The following ANGEL2 variants were observed in gnomAD, a reference collection of about 807,000 sequenced individuals.
ANGEL2 encodes angel homolog 2, also known as RNA 2',3'-cyclic phosphatase ANGEL2.
ANGEL2 carries 41 observed loss-of-function variants against 66.0 expected under a neutral mutation model. That is an observed-to-expected ratio of 0.62 (90% CI 0.48 to 0.81). The LOEUF is 0.81. Among genes scored for constraint, ANGEL2 ranks in the 30% least tolerant of loss-of-function variants. The probability of loss-of-function intolerance (pLI) is 0.00; values close to 1 mark genes in which losing one functional copy is unlikely to be tolerated. For synonymous variants in ANGEL2, 208 were observed against 226.5 expected, an observed-to-expected ratio of 0.92 and a Z score of 0.73; for missense variants, 561 against 641.6, an observed-to-expected ratio of 0.87 and a Z score of 1.36.
At chr1:213,015,527 C>A in intron 1 of ANGEL2, 86 bp downstream of exon 1, 2 of 1,453,284 alleles carry the variant, frequency 1.4e-6, no homozygotes, top group East Asian at 2.7e-5. Context: ...CCGCCCCGCC[C>A]CGCCCCGGGT....
intron 8 of ANGEL2, among the ~76,000 whole-genome samples, chr1:212,996,638 A>ATATAT (rs56112652): frequency 0.015 from 795 of 52,364 alleles, no homozygotes; most frequent in Middle Eastern, 0.037. Context: ...AAAAAAAAAA[A>ATATAT]AAATATATAT....
chr1:213,007,037 T>C (rs112003433), intron 4 of ANGEL2, 92 bp downstream of exon 4: 2 of 1,220,184 alleles, frequency 1.6e-6, no homozygotes, highest in Non-Finnish European at 2.4e-6. Context: ...GAGGCTGTAG[T>C]GAGCCATGAT....
intron 7 of ANGEL2, among the ~76,000 whole-genome samples, chr1:212,998,502 A>G (rs2076086832): frequency 1.3e-5 from 2 of 151,908 alleles, no homozygotes; most frequent in Non-Finnish European, 2.9e-5. Flanking sequence ...GTATTTACAT[A>G]AAGATACAAA....
intron 8 of ANGEL2, among the ~76,000 whole-genome samples, chr1:212,996,261 A>T (rs185851095): frequency 9.2e-5 from 14 of 152,020 alleles, no homozygotes; most frequent in African/African-American, 1.4e-4. Context: ...GAGCTGAGAT[A>T]GCGCCACTGC....
At chr1:212,996,111 T>A (rs1188509318) in intron 8 of ANGEL2, among the ~76,000 whole-genome samples, 1 of 151,868 alleles carries the variant, frequency 6.6e-6, no homozygotes, top group Admixed American at 6.6e-5. Flanking sequence ...ATCGAGACCA[T>A]CCTGGCCAAC....
intron 1 of ANGEL2, chr1:213,015,075 T>C (rs1297734382): frequency 3.1e-6 from 3 of 969,162 alleles, no homozygotes; most frequent in Admixed American, 6.2e-5. Flanking sequence ...CAGTAAATAA[T>C]ACACGTGAAA....
intron 2 of ANGEL2, among the ~76,000 whole-genome samples, chr1:213,012,261 T>C (rs1171981891): frequency 1.4e-5 from 2 of 143,192 alleles, no homozygotes; most frequent in African/African-American, 5.2e-5. Flanking sequence ...GTCAGCTCCC[T>C]AAACATTAAC....
chr1:213,007,001 A>C (rs2148163053), intron 4 of ANGEL2, 128 bp downstream of exon 4: 1 of 785,712 alleles, frequency 1.3e-6, no homozygotes, highest in East Asian at 2.8e-5. Context: ...AGCCGAAATG[A>C]GAGGATTACT....
At chr1:213,004,865 CAAAAAAAAAAA>C (rs60445711) in intron 5 of ANGEL2, among the ~76,000 whole-genome samples, 157 bp downstream of exon 5, 3 of 35,242 alleles carry the variant, frequency 8.5e-5, no homozygotes, top group East Asian at 9.5e-4. Context: ...GAGACTGTCT[CAAAAAAAAAAA>C]AAAAAAAAAA....
At chr1:213,015,542 C>T in intron 1 of ANGEL2, 71 bp downstream of exon 1, 2 of 1,047,886 alleles carry the variant, frequency 1.9e-6, no homozygotes, top group Non-Finnish European at 2.5e-6. Context: ...CCGGGTTAGT[C>T]CCGGACGCCC....
chr1:213,011,394 T>C (rs1420886211), intron 2 of ANGEL2: 7 of 1,146,430 alleles, frequency 6.1e-6, no homozygotes, highest in Admixed American at 4.2e-5. Context: ...GATTGAAAAG[T>C]ATTAGTGAAA....
rs1202351583 is a variant in ANGEL2 at position 213,000,872 on chromosome 1, A to G, written c.1175T>C (p.Leu392Ser). The change falls in exon 6 of 9, where the codon TTA becomes TCA. Residue 392 changes from leucine to serine, a missense_variant. Leu to Ser is a moderately radical substitution (Grantham distance 145). Transcript: ENST00000366962. ...GTTTGGGGGCCAAATTGGAATAGAT[A>G]AAATTCTTTGTCCCCGTGAAGACTG... ...QEQSSRGQRI[L>S]SIPIWPPNLG... 6.2e-7 allele frequency: 1 copy of G among 1,612,836 alleles called. No individual in the cohort carries two copies. Among genetic ancestry groups the G allele is most frequent in the African/African-American group, 1.3e-5 (1 of 74,870 alleles).
rs1170276449 is a variant in ANGEL2, at chr1:213,008,457, T to C, written c.395A>G (p.Lys132Arg). Residue 132 changes from lysine (K) to arginine (R), a missense_variant, in exon 3 of 9, where the codon AAG (lysine) becomes AGG (arginine). Coordinates refer to ENST00000366962, the MANE Select transcript of ANGEL2 (RefSeq NM_144567.5). Reference protein sequence around the residue: ...SKRRKHQGVIKRNWEYICSHD... With the variant: ...SKRRKHQGVIRRNWEYICSHD... ...GCTACATATATATTCCCAATTCCGCTTTATCACACCTGTTAAAATATATTG... is the reference window on the plus strand; with the variant it reads ...GCTACATATATATTCCCAATTCCGCCTTATCACACCTGTTAAAATATATTG... 2 of 1,612,806 alleles carry C rather than the reference T, an allele frequency of 1.2e-6. No homozygotes were observed. The highest frequency in any genetic ancestry group is 1.7e-6 in the Non-Finnish European group (2 of 1,179,448).
intron 2 of ANGEL2, among the ~76,000 whole-genome samples, chr1:213,010,867 G>A (rs1198571553): frequency 6.6e-6 from 1 of 152,128 alleles, no homozygotes; most frequent in Non-Finnish European, 1.5e-5. Flanking sequence ...GGTCATTAAA[G>A]TTTATAAACA....
Position 213,000,827 on chromosome 1 carries a change from C to T in ANGEL2, c.1220G>A (p.Cys407Tyr), listed in dbSNP as rs770637278. ...TGGTACCTGCTGTACCTCATACACA[C>T]AGTTCTGTGAGATACCTAGGTTTGG... The part of the protein sequence containing the change: ...WPPNLGISQN[C>Y]VYEVQQVPKV... The change falls in exon 6 of 9, where the codon TGT (cysteine) becomes TAT (tyrosine). Residue 407 changes from cysteine (C) to tyrosine (Y), a missense_variant. By Grantham distance (194) the Cys-to-Tyr change is radical. Transcript: ENST00000366962. The T allele has an allele frequency of 3.1e-6, 5 of 1,612,390 alleles. No individual in the cohort carries two copies. Among genetic ancestry groups the T allele is most frequent in the Non-Finnish European group, 3.4e-6 (4 of 1,179,770 alleles).
intron 1 of ANGEL2, 26 bp downstream of exon 1, chr1:213,015,587 C>T (rs754689424): frequency 1.3e-6 from 2 of 1,583,252 alleles, no homozygotes; most frequent in Non-Finnish European, 1.7e-6. Context: ...CCTCTCTCCT[C>T]CCTCCGAGTA....
intron 5 of ANGEL2, chr1:213,002,042 C>T (rs2076191117): frequency 6.5e-6 from 1 of 154,660 alleles, no homozygotes; most frequent in African/African-American, 2.4e-5. Flanking sequence ...CACGAATGTT[C>T]TGAATAGCAT....
At chr1:212,995,705 G>A (rs1195270899) in intron 8 of ANGEL2, among the ~76,000 whole-genome samples, 1 of 152,122 alleles carries the variant, frequency 6.6e-6, no homozygotes, top group Non-Finnish European at 1.5e-5. Flanking sequence ...TGACAACTAC[G>A]AAAACCTTAC....
At chr1:212,998,166 A>G (rs1403989606) in intron 7 of ANGEL2, among the ~76,000 whole-genome samples, 1 of 151,800 alleles carries the variant, frequency 6.6e-6, no homozygotes, top group Non-Finnish European at 1.5e-5. Context: ...CAAGGCGGGA[A>G]GATTGCTTGA....
Sources: allele counts gnomAD v4.1 joint callset (sites outside exome capture counted in the v4.1 genomes callset), GRCh38; gene constraint gnomAD v4.1.1; transcripts MANE v1.5; gene names NCBI Gene and HGNC (gene_info 2026-07-23, HGNC 2026-07-21).